The following ARHGAP31 variants were observed in gnomAD, a reference collection of about 807,000 sequenced individuals.
ARHGAP31 encodes the protein rho GTPase-activating protein 31.
A neutral mutation model predicts 113.9 loss-of-function variants in ARHGAP31; 34 were observed. That is an observed-to-expected ratio of 0.30 (90% confidence interval 0.23 to 0.40). The LOEUF is 0.40. ARHGAP31 is among the 10% of genes least tolerant of loss of function. The pLI is 1.00. For synonymous variants in ARHGAP31, 650 were observed against 684.8 expected (o/e 0.95, Z 0.79); for missense variants, 1,548 against 1,767.1 (o/e 0.88, Z 2.22).
chr3:119,401,105 A>T (rs1395507211), intron 9 of ARHGAP31, among the ~76,000 whole-genome samples: 2 of 148,432 alleles, frequency 1.3e-5, no homozygotes, highest in Non-Finnish European at 3.0e-5. Flanking sequence ...CGGGAGGTGG[A>T]GGTTGCAGTG....
In ARHGAP31 at chr3:119,324,318, G is replaced by A. The variant is rs373871547; in HGVS notation, c.100+29314G>A. On this transcript the variant is annotated intron_variant, in intron 1 of 11. Transcript: ENST00000264245. ...GGCCATCTATGTAATAAATTTATCC[G>A]GATGTATTATAACAATTTTAAGGTT... 2.6e-5 allele frequency among the ~76,000 whole-genome samples: 4 copies of A among 152,136 alleles called. No individual in the cohort carries two copies. In the East Asian group the frequency reaches 5.8e-4, roughly 22 times the overall value.
chr3:119,414,215 G>T lies in ARHGAP31; in HGVS notation c.2286G>T (p.Lys762Asn). ...CTCTGGAAATAGTTCCTTTTGAGAA[G>T]GCATCTCCACAAGCAACAGTGGAAG... ...LAPLEIVPFE[K>N]ASPQATVEVG... Residue 762 changes from lysine to asparagine, a missense_variant, in exon 12 of 12, where the codon AAG becomes AAT. By Grantham distance (94) the Lys-to-Asn change is moderately conservative. Transcript: ENST00000264245. 2 of 1,614,174 alleles carry T rather than the reference G, an allele frequency of 1.2e-6. No homozygotes were observed. The highest frequency in any genetic ancestry group is 1.1e-5 in the South Asian group (1 of 91,086).
chr3:119,324,625 G>GAAAC (rs530273252), intron 1 of ARHGAP31, among the ~76,000 whole-genome samples: 1,641 of 152,204 alleles, frequency 0.011, 11 homozygotes, highest in Non-Finnish European at 0.018. Flanking sequence ...GCTATTAAAA[G>GAAAC]AAACAAACAA....
At chr3:119,399,999 G>C (rs1257311110) in intron 9 of ARHGAP31, among the ~76,000 whole-genome samples, 1 of 152,244 alleles carries the variant, frequency 6.6e-6, no homozygotes, top group Non-Finnish European at 1.5e-5. Context: ...CAAAGGACTT[G>C]TCTGGCAACA....
At chr3:119,389,271 G>A (rs2080482747) in intron 6 of ARHGAP31, among the ~76,000 whole-genome samples, 1 of 152,290 alleles carries the variant, frequency 6.6e-6, no homozygotes, top group East Asian at 1.9e-4. Context: ...TGACAGGAGA[G>A]GTGGGCACTA....
chr3:119,365,449 C>A (rs762584898), intron 2 of ARHGAP31, 31 bp downstream of exon 2: 10 of 1,568,968 alleles, frequency 6.4e-6, no homozygotes, highest in African/African-American at 5.4e-5. Context: ...TAAAAGAATT[C>A]TCCCATGATT....
rs200898260 is a variant in ARHGAP31 at position 119,303,788 on chromosome 3, TGTTGTTGTTGTTG to T, written c.100+8785_100+8797del. Reference sequence around the variant, plus strand: ...TTTCCCCAGCTCTTTTCATGTTTTTTGTTGTTGTTGTTGTTGTTGTTGTTGAGATGGGGTCTCG... The same window carrying T: ...TTTCCCCAGCTCTTTTCATGTTTTTTTTGTTGTTGTTGAGATGGGGTCTCG... On this transcript the variant is annotated intron_variant, in intron 1 of 11. Transcript: ENST00000264245. Among the ~76,000 whole-genome samples the T allele has an allele frequency of 6.3e-3, 947 of 150,866 alleles. 16 individuals carry two copies. The highest frequency in any genetic ancestry group is 0.062 in the East Asian group (318 of 5,154).
chr3:119,327,347 C>T (rs1157323514), intron 1 of ARHGAP31, among the ~76,000 whole-genome samples: 2 of 151,904 alleles, frequency 1.3e-5, no homozygotes, highest in Non-Finnish European at 2.9e-5. Flanking sequence ...AGTTCGAGAT[C>T]AGCCTGGCCG....
chr3:119,401,971 G>A lies in ARHGAP31; in HGVS notation c.1219G>A (p.Ala407Thr). The A allele has an allele frequency of 6.2e-7, 1 of 1,614,144 alleles. No homozygotes were observed. Among genetic ancestry groups the A allele is most frequent in the Non-Finnish European group, 8.5e-7 (1 of 1,180,022 alleles). The change falls in exon 10 of 12, where the codon GCT becomes ACT. Residue 407 changes from alanine to threonine, a missense_variant. By Grantham distance (58) the Ala-to-Thr change is moderately conservative. Coordinates refer to ENST00000264245, the MANE Select transcript of ARHGAP31 (RefSeq NM_020754.4). ...GGGCCAGGAGGGGATGCCTCCCGGG[G>A]CTGAGGGTGGCTTTGATGTGAGCAG... ...EWGQEGMPPGAEGGFDVSSDR... is the reference protein window; with the variant it reads ...EWGQEGMPPGTEGGFDVSSDR...
intron 1 of ARHGAP31, among the ~76,000 whole-genome samples, chr3:119,353,629 C>G (rs1021127595): frequency 1.6e-4 from 25 of 151,992 alleles, no homozygotes; most frequent in African/African-American, 5.8e-4. Context: ...ATGGTGAAAC[C>G]CTGTCTCTAC....
At chr3:119,342,686 A>C (rs2080019818) in intron 1 of ARHGAP31, among the ~76,000 whole-genome samples, 1 of 152,262 alleles carries the variant, frequency 6.6e-6, no homozygotes, top group South Asian at 2.1e-4. Context: ...GCAGTGGCTC[A>C]TGCCTGTATT....
chr3:119,308,216 C>G (rs2079648211), intron 1 of ARHGAP31, among the ~76,000 whole-genome samples: 1 of 152,190 alleles, frequency 6.6e-6, no homozygotes, highest in African/African-American at 2.4e-5. Context: ...GCAGACATGA[C>G]CATGCTGGCC....
chr3:119,305,813 G>A (rs2079626705), intron 1 of ARHGAP31, among the ~76,000 whole-genome samples: 1 of 152,186 alleles, frequency 6.6e-6, no homozygotes, highest in African/African-American at 2.4e-5. Flanking sequence ...ACGCTGCTTG[G>A]GTTGGGGGCC....
intron 1 of ARHGAP31, among the ~76,000 whole-genome samples, chr3:119,310,506 G>C (rs933240845): frequency 1.3e-5 from 2 of 152,208 alleles, no homozygotes; most frequent in African/African-American, 4.8e-5. Flanking sequence ...GCAGGCAAGA[G>C]AGCATTACTG....
rs370097944 is a variant in ARHGAP31, at chr3:119,365,383, G to C, written c.168G>C (p.Arg56=). 83 of 1,613,958 alleles carry C rather than the reference G, an allele frequency of 5.1e-5. No individual in the cohort carries two copies. Among genetic ancestry groups the C allele is most frequent in the Non-Finnish European group, 5.9e-5 (70 of 1,180,030 alleles). Residue 56 remains arginine (R), a synonymous_variant, in exon 2 of 12, where the codon CGG becomes CGC. Transcript: ENST00000264245. ...ETHGIVDGIY[R]LSGVTSNIQR... ...ACGGCATCGTGGATGGAATCTATCG[G>C]CTTTCAGGAGTCACCTCAAACATAC...
At chr3:119,391,674 G>T (rs768454454) in intron 7 of ARHGAP31, among the ~76,000 whole-genome samples, 1 of 136,152 alleles carries the variant, frequency 7.3e-6, no homozygotes, top group African/African-American at 2.9e-5. Flanking sequence ...TAAGCAGATT[G>T]TAGGTGGAGG....
At chr3:119,402,474 A>C (rs2107641146) in intron 10 of ARHGAP31, 77 bp downstream of exon 10, 1 of 1,482,066 alleles carries the variant, frequency 6.7e-7, no homozygotes, top group Non-Finnish European at 9.3e-7. Context: ...TTTGCAAGGC[A>C]ATATAGTGCG....
intron 1 of ARHGAP31, among the ~76,000 whole-genome samples, chr3:119,311,590 T>C (rs1344993581): frequency 6.6e-6 from 1 of 152,200 alleles, no homozygotes; most frequent in African/African-American, 2.4e-5. Context: ...CACAGTTTGT[T>C]TTCCCACAGG....
At chr3:119,403,142 A>G (rs2080628200) in intron 10 of ARHGAP31, among the ~76,000 whole-genome samples, 2 of 152,234 alleles carry the variant, frequency 1.3e-5, no homozygotes, top group South Asian at 4.1e-4. Flanking sequence ...AGGGTGGCTG[A>G]CAATCAAACC....
Sources: gnomAD v4.1 joint callset for allele counts (sites outside exome capture counted in the v4.1 genomes callset) on GRCh38, gnomAD v4.1.1 for gene constraint, MANE v1.5 for transcripts, NCBI Gene and HGNC (gene_info 2026-07-23, HGNC 2026-07-21) for gene names.